HS3ST4: variants seen among roughly 807,000 people sequenced by gnomAD.
HS3ST4 encodes heparan sulfate-glucosamine 3-sulfotransferase 4.
Under a neutral mutation model 29.2 loss-of-function variants are expected in HS3ST4, and 17 were observed. The ratio of observed to expected loss-of-function variants is 0.58; its 90% CI spans 0.40 to 0.87. The LOEUF (loss-of-function observed/expected upper bound fraction) is 0.87. HS3ST4 is among the 40% of genes least tolerant of loss of function. The probability of loss-of-function intolerance (pLI) is 0.00; values close to 1 mark genes in which losing one functional copy is unlikely to be tolerated. For missense variants in HS3ST4, 627 were observed against 634.5 expected (o/e 0.99, Z 0.13); for synonymous variants, 314 against 285.7 (o/e 1.10, Z -1.00).
chr16:26,045,031 G>C (rs941545871), intron 1 of HS3ST4, among the ~76,000 whole-genome samples: 4 of 152,176 alleles, frequency 2.6e-5, no homozygotes, highest in Admixed American at 2.6e-4. Context: ...AAGACACTGA[G>C]AGCCCATGCG....
At chr16:26,123,684 A>G (rs925305696) in intron 1 of HS3ST4, among the ~76,000 whole-genome samples, 6 of 152,168 alleles carry the variant, frequency 3.9e-5, no homozygotes, top group African/African-American at 7.2e-5. Context: ...GCCTTCCCCC[A>G]AAGTCCCCAA....
At chr16:26,047,265 A>C (rs932154674) in intron 1 of HS3ST4, among the ~76,000 whole-genome samples, 2 of 152,212 alleles carry the variant, frequency 1.3e-5, no homozygotes, top group African/African-American at 4.8e-5. Context: ...TGTAGGTCAG[A>C]AGTTGTAGCA....
intron 1 of HS3ST4, among the ~76,000 whole-genome samples, chr16:25,802,548 A>G (rs1045274401): frequency 6.6e-6 from 1 of 151,918 alleles, no homozygotes; most frequent in African/African-American, 2.4e-5. Flanking sequence ...ATTCTTTTTC[A>G]ATATATTTTG....
At chr16:25,757,034 C>T (rs1421431827) in intron 1 of HS3ST4, among the ~76,000 whole-genome samples, 1 of 152,106 alleles carries the variant, frequency 6.6e-6, no homozygotes, top group Non-Finnish European at 1.5e-5. Flanking sequence ...TAACCCTGTG[C>T]CTATGTTTAT....
intron 1 of HS3ST4, among the ~76,000 whole-genome samples, chr16:26,022,805 A>G (rs1056225187): frequency 5.3e-5 from 8 of 151,870 alleles, no homozygotes; most frequent in African/African-American, 1.9e-4. Context: ...CCTGGCCTAC[A>G]GCGCTTTTTA....
At chr16:25,704,656 T>A (rs999978494) in intron 1 of HS3ST4, among the ~76,000 whole-genome samples, 1 of 151,860 alleles carries the variant, frequency 6.6e-6, no homozygotes. Context: ...GGCAGGTGGA[T>A]CACCTGAGGT....
At chr16:25,917,588 G>A (rs1398038930) in intron 1 of HS3ST4, among the ~76,000 whole-genome samples, 1 of 152,186 alleles carries the variant, frequency 6.6e-6, no homozygotes, top group Non-Finnish European at 1.5e-5. Context: ...GAGTAAGTGT[G>A]TTTTTCTATT....
In HS3ST4 at chr16:25,719,038, G is replaced by T. The variant is rs528491616; in HGVS notation, c.734+25887G>T. On this transcript the variant is annotated intron_variant, in intron 1 of 1. Transcript: ENST00000331351. ...TCAACCATGTTGGATGTCACTAAAA[G>T]ATCTTCTGCACTGAAGTCTGAAAAA... 2.0e-5 allele frequency among the ~76,000 whole-genome samples: 3 copies of T among 152,362 alleles called. No homozygotes were observed. The South Asian group carries it at 6.2e-4, about 32-fold the overall frequency.
intron 1 of HS3ST4, among the ~76,000 whole-genome samples, chr16:26,009,867 T>C (rs1321684580): frequency 6.6e-6 from 1 of 152,244 alleles, no homozygotes; most frequent in Non-Finnish European, 1.5e-5. Context: ...CTCATTCCAC[T>C]GTCTCAACTC....
At chr16:25,811,830 A>G (rs1237720623) in intron 1 of HS3ST4, among the ~76,000 whole-genome samples, 1 of 152,210 alleles carries the variant, frequency 6.6e-6, no homozygotes, top group African/African-American at 2.4e-5. Context: ...GTTATTAGTA[A>G]GACTTCCAGT....
At chr16:25,933,241 A>T (rs888897060) in intron 1 of HS3ST4, 9 of 422,996 alleles carry the variant, frequency 2.1e-5, no homozygotes, top group Middle Eastern at 6.9e-4. Flanking sequence ...AAGACTTCTC[A>T]TATGGCTCTT....
At chr16:25,852,367 G>A (rs889709772) in intron 1 of HS3ST4, among the ~76,000 whole-genome samples, 1 of 152,180 alleles carries the variant, frequency 6.6e-6, no homozygotes, top group South Asian at 2.1e-4. Flanking sequence ...ATAGGTCAAC[G>A]TGTGCCATGG....
At chr16:26,089,728 T>C (rs1354699226) in intron 1 of HS3ST4, among the ~76,000 whole-genome samples, 1 of 152,224 alleles carries the variant, frequency 6.6e-6, no homozygotes, top group Admixed American at 6.5e-5. Flanking sequence ...TTCTGTTCGC[T>C]TTCATTTTAC....
intron 1 of HS3ST4, among the ~76,000 whole-genome samples, chr16:25,945,608 A>G (rs565329979): frequency 8.5e-5 from 13 of 152,322 alleles, no homozygotes; most frequent in African/African-American, 2.9e-4. Flanking sequence ...TACTACTGCA[A>G]TGTCCTCGCC....
chr16:25,933,047 G>A (rs1347273541), intron 1 of HS3ST4, among the ~76,000 whole-genome samples: 1 of 152,044 alleles, frequency 6.6e-6, no homozygotes, highest in Non-Finnish European at 1.5e-5. Flanking sequence ...CCCACATTTT[G>A]CCAGAGAGAC....
intron 1 of HS3ST4, among the ~76,000 whole-genome samples, chr16:25,882,484 T>C (rs1391919930): frequency 2.6e-5 from 4 of 152,172 alleles, no homozygotes; most frequent in Non-Finnish European, 1.5e-5. Context: ...CTCTGGGCCA[T>C]TAGTTTGCCG....
intron 1 of HS3ST4, among the ~76,000 whole-genome samples, chr16:25,801,231 C>T (rs1596574896): frequency 1.3e-5 from 2 of 152,086 alleles, no homozygotes; most frequent in African/African-American, 4.8e-5. Context: ...CTTAATTTAT[C>T]GTGGGTAGTA....
At chr16:25,761,239 C>T (rs956479434) in intron 1 of HS3ST4, among the ~76,000 whole-genome samples, 1 of 152,134 alleles carries the variant, frequency 6.6e-6, no homozygotes, top group African/African-American at 2.4e-5. Flanking sequence ...TACACAGCTG[C>T]CATCCAATTC....
At chr16:25,714,709 T>C (rs1231792059) in intron 1 of HS3ST4, among the ~76,000 whole-genome samples, 1 of 152,220 alleles carries the variant, frequency 6.6e-6, no homozygotes, top group Admixed American at 6.5e-5. Flanking sequence ...CATGAGATGG[T>C]GAACACTTTT....
Sources: allele counts gnomAD v4.1 joint callset (sites outside exome capture counted in the v4.1 genomes callset), GRCh38; gene constraint gnomAD v4.1.1; transcripts MANE v1.5; gene names NCBI Gene and HGNC (gene_info 2026-07-23, HGNC 2026-07-21).